The following MPDZ variants were observed in gnomAD, a reference collection of about 807,000 sequenced individuals.
MPDZ encodes the protein multiple PDZ domain crumbs cell polarity complex component.
Under a neutral mutation model 239.1 loss-of-function variants are expected in MPDZ, and 234 were observed. That is an observed-to-expected ratio of 0.98 (90% CI 0.88 to 1.09). The LOEUF (loss-of-function observed/expected upper bound fraction) is 1.09. Among genes scored for constraint, MPDZ ranks in the 50% least tolerant of loss-of-function variants. The pLI is 0.00. For missense variants in MPDZ, 3,175 were observed against 2,510.0 expected, an observed-to-expected ratio of 1.26 and a Z score of -5.66; for synonymous variants, 1,048 against 881.3, an observed-to-expected ratio of 1.19 and a Z score of -3.35.
Position 13,106,927 on chromosome 9 carries a change from G to A in MPDZ, c.*38C>T. 6 of 1,608,790 alleles carry A rather than the reference G, an allele frequency of 3.7e-6. No individual in the cohort carries two copies. The highest frequency in any genetic ancestry group is 4.3e-6 in the Non-Finnish European group (5 of 1,175,704). The stretch of plus-strand genomic sequence containing the variant: ...GTGCATTCTCTTTACAGTAGGAGGT[G>A]AGCTAGGGGTTGGGTTGGTTCAATT... On this transcript the variant is annotated 3_prime_UTR_variant, in exon 47 of 47. Transcript: ENST00000319217.
intron 3 of MPDZ, among the ~76,000 whole-genome samples, chr9:13,234,298 C>G (rs1963352376): frequency 6.6e-6 from 1 of 151,926 alleles, no homozygotes; most frequent in African/African-American, 2.4e-5. Context: ...ACTAAATGTG[C>G]TATAAAGCAT....
At chr9:13,224,250 A>C in intron 4 of MPDZ, 124 bp downstream of exon 4, 1 of 889,888 alleles carries the variant, frequency 1.1e-6, no homozygotes, top group East Asian at 2.5e-5. Context: ...CACAAAACTG[A>C]CTTTTTGTTC....
At chr9:13,125,178 C>T in intron 35 of MPDZ, 38 bp downstream of exon 35, 4 of 1,490,162 alleles carry the variant, frequency 2.7e-6, no homozygotes, top group Non-Finnish European at 3.6e-6. Flanking sequence ...TTCAGGTGTT[C>T]CATATGTGCA....
intron 10 of MPDZ, among the ~76,000 whole-genome samples, chr9:13,207,964 A>C (rs1161075628): frequency 1.3e-5 from 2 of 152,238 alleles, no homozygotes; most frequent in African/African-American, 4.8e-5. Context: ...TGAAATTCAA[A>C]GTCATTAATA....
intron 1 of MPDZ, among the ~76,000 whole-genome samples, chr9:13,271,002 T>C (rs1450905011): frequency 2.0e-5 from 3 of 152,130 alleles, no homozygotes; most frequent in African/African-American, 7.2e-5. Context: ...AAATAAAGCA[T>C]TGGGTTCAAT....
intron 1 of MPDZ, among the ~76,000 whole-genome samples, chr9:13,261,561 T>C (rs894389179): frequency 6.6e-6 from 1 of 152,198 alleles, no homozygotes; most frequent in African/African-American, 2.4e-5. Context: ...AAGACAATTT[T>C]AGTAGGACCA....
At chr9:13,258,277 G>A (rs1969902828) in intron 1 of MPDZ, among the ~76,000 whole-genome samples, 1 of 152,134 alleles carries the variant, frequency 6.6e-6, no homozygotes. Flanking sequence ...CAACTAACAA[G>A]TGAAAATATG....
rs200535644 is a variant in MPDZ at position 13,186,322 on chromosome 9, C to G, written c.2429G>C (p.Cys810Ser). 174 of 1,596,898 alleles carry G rather than the reference C, an allele frequency of 1.1e-4. 2 individuals carry two copies. The East Asian group carries it at 3.1e-3, about 28-fold the overall frequency. Residue 810 changes from cysteine (C) to serine (S), a missense_variant, in exon 18 of 47, where the codon TGT (cysteine) becomes TCT (serine). By Grantham distance (112) the Cys-to-Ser change is moderately radical. Transcript: ENST00000319217. Reference sequence around the variant, plus strand: ...TTTGTCAGCCAGCCCTGCTTCCTCACAGGAGTGTGGTGGGTAGAGAAAGGA... The same window carrying G: ...TTTGTCAGCCAGCCCTGCTTCCTCAGAGGAGTGTGGTGGGTAGAGAAAGGA... ...EDSFLYPPHS[C>S]EEAGLADKPL...
At chr9:13,210,983 A>G (rs1161226013) in intron 10 of MPDZ, among the ~76,000 whole-genome samples, 1 of 151,978 alleles carries the variant, frequency 6.6e-6, no homozygotes, top group East Asian at 1.9e-4. Flanking sequence ...CAACTTTTAC[A>G]CCATAAAAGC....
chr9:13,133,038 A>G (rs1396293614), intron 32 of MPDZ, among the ~76,000 whole-genome samples: 2 of 152,218 alleles, frequency 1.3e-5, no homozygotes, highest in Admixed American at 6.5e-5. Flanking sequence ...AAAGATCACC[A>G]TAAACAGATT....
chr9:13,107,211 T>C, intron 46 of MPDZ, 100 bp from the exon 47 acceptor site: 8 of 1,263,172 alleles, frequency 6.3e-6, no homozygotes, highest in African/African-American at 1.5e-5. Context: ...GCTCTGCTTG[T>C]ACACACACAC....
chr9:13,214,412 C>T (rs1228416064), intron 10 of MPDZ, among the ~76,000 whole-genome samples: 1 of 151,752 alleles, frequency 6.6e-6, no homozygotes, highest in African/African-American at 2.4e-5. Context: ...TTGCCCAGGA[C>T]TGGGAGAATG....
At chr9:13,126,797 T>A in intron 32 of MPDZ, 25 bp from the exon 33 acceptor site, 1 of 1,583,988 alleles carries the variant, frequency 6.3e-7, no homozygotes, top group Non-Finnish European at 8.7e-7. Flanking sequence ...ACAAAAATGC[T>A]CAGAAGACTT....
At chr9:13,162,993 G>C (rs1032003490) in intron 22 of MPDZ, among the ~76,000 whole-genome samples, 198 bp from the exon 23 acceptor site, 2 of 152,106 alleles carry the variant, frequency 1.3e-5, no homozygotes, top group African/African-American at 2.4e-5. Context: ...AGTAACAACA[G>C]AAACTAAGTT....
chr9:13,215,793 G>C (rs1317559980), intron 10 of MPDZ, among the ~76,000 whole-genome samples: 1 of 101,656 alleles, frequency 9.8e-6, no homozygotes, highest in African/African-American at 3.9e-5. Context: ...TTAGAGGCAA[G>C]ATCTCATTCT....
Position 13,158,023 on chromosome 9 carries a change from G to A in MPDZ, c.3447C>T (p.Pro1149=), listed in dbSNP as rs1239198418. 2 of 1,611,856 alleles carry A rather than the reference G, an allele frequency of 1.2e-6. No individual in the cohort carries two copies. Among genetic ancestry groups the A allele is most frequent in the African/African-American group, 2.7e-5 (2 of 74,814 alleles). The part of the protein sequence containing the change: ...QNTAYSNWNQ[P]RRVELWREPS... Reference sequence around the variant, plus strand: ...AAGACAGAAATAGTCCTTACCGCCTGGGCTGATTCCAATTGCTATATGCTG... The same window carrying A: ...AAGACAGAAATAGTCCTTACCGCCTAGGCTGATTCCAATTGCTATATGCTG... The change falls in exon 24 of 47, where the codon CCC becomes CCT. Residue 1149 remains proline (P), a synonymous_variant. Coordinates refer to ENST00000319217, the MANE Select transcript of MPDZ (RefSeq NM_001378778.1).
chr9:13,121,938 C>T lies in MPDZ; in HGVS notation c.5038-6G>A, dbSNP rs1242856244. 3 of 1,611,798 alleles carry T rather than the reference C, an allele frequency of 1.9e-6. No individual in the cohort carries two copies. Among genetic ancestry groups the T allele is most frequent in the African/African-American group, 1.3e-5 (1 of 74,932 alleles). ...CTCAAGTCAATTCCATTCACCTGTA[C>T]AGAAATGGGACACTGACTGTAAGGA... On this transcript the variant is annotated splice_polypyrimidine_tract_variant and splice_region_variant and intron_variant, in intron 37 of 46. Transcript: ENST00000319217.
At chr9:13,237,816 A>G (rs934942076) in intron 3 of MPDZ, among the ~76,000 whole-genome samples, 1 of 152,160 alleles carries the variant, frequency 6.6e-6, no homozygotes, top group East Asian at 1.9e-4. Context: ...ATAAGACTGC[A>G]ACTGATATCA....
At chr9:13,262,200 T>C (rs1277457572) in intron 1 of MPDZ, among the ~76,000 whole-genome samples, 1 of 152,092 alleles carries the variant, frequency 6.6e-6, no homozygotes, top group East Asian at 1.9e-4. Context: ...CAGTGGCTGA[T>C]GCCTGTAATC....
Sources: allele counts gnomAD v4.1 joint callset (sites outside exome capture counted in the v4.1 genomes callset), GRCh38; gene constraint gnomAD v4.1.1; transcripts MANE v1.5; gene names NCBI Gene and HGNC (gene_info 2026-07-23, HGNC 2026-07-21).